The following RIMS1 variants were observed in gnomAD, a reference collection of about 807,000 sequenced individuals.
The protein encoded by RIMS1 is regulating synaptic membrane exocytosis protein 1.
In RIMS1, 83 loss-of-function variants were observed where a neutral mutation model predicts 214.1. That is an observed-to-expected ratio of 0.39 (90% CI 0.32 to 0.47). The LOEUF (loss-of-function observed/expected upper bound fraction) is 0.47, where lower values mean the gene tolerates loss of function less well. RIMS1 is among the 20% of genes least tolerant of loss of function. The pLI is 0.99. For missense variants in RIMS1, 2,050 were observed against 2,161.8 expected (o/e 0.95, Z 1.03); for synonymous variants, 793 against 786.8 (o/e 1.01, Z -0.13).
intron 1 of RIMS1, among the ~76,000 whole-genome samples, chr6:71,919,682 C>T (rs1273486924): frequency 6.6e-6 from 1 of 152,014 alleles, no homozygotes; most frequent in Non-Finnish European, 1.5e-5. Context: ...AGGAGAATGA[C>T]GTGGAGTAGC....
Position 71,986,845 on chromosome 6 carries a change from T to C in RIMS1, c.245+17782T>C, listed in dbSNP as rs570446677. Among the ~76,000 whole-genome samples, 4 of 152,372 alleles carry C rather than the reference T, an allele frequency of 2.6e-5. No homozygotes were observed. In the South Asian group the frequency reaches 8.3e-4, roughly 32 times the overall value. On this transcript the variant is annotated intron_variant, in intron 2 of 33. Transcript: ENST00000521978. ...CAAGGGTGCTGCTGTGTGAGAGTGC[T>C]TTTGACTCAGTAAAAATGTCCAATA...
intron 2 of RIMS1, among the ~76,000 whole-genome samples, chr6:71,989,009 T>G (rs1291625654): frequency 6.6e-6 from 1 of 152,178 alleles, no homozygotes; most frequent in Non-Finnish European, 1.5e-5. Context: ...TCTGAGCAGC[T>G]GGATTGCCAA....
At chr6:71,910,607 T>C (rs139232948) in intron 1 of RIMS1, among the ~76,000 whole-genome samples, 5 of 152,262 alleles carry the variant, frequency 3.3e-5, no homozygotes, top group African/African-American at 1.2e-4. Context: ...TTATCCAGGA[T>C]TGATTTTAGA....
chr6:72,291,926 G>A lies in RIMS1; in HGVS notation c.3738-8G>A, dbSNP rs986932771. The A allele has an allele frequency of 1.9e-6, 3 of 1,551,016 alleles. No individual in the cohort carries two copies. Among genetic ancestry groups the A allele is most frequent in the Admixed American group, 2.0e-5 (1 of 51,212 alleles). ...TTGTTTCATGCCCGCTTTGCTTTTT[G>A]CCTGCAGAATGCACCGACAGAGAAG... is the stretch of plus-strand genomic sequence containing the variant. On this transcript the variant is annotated splice_region_variant and splice_polypyrimidine_tract_variant and intron_variant, in intron 25 of 33. Coordinates refer to ENST00000521978, the MANE Select transcript of RIMS1 (RefSeq NM_014989.7).
Position 72,258,175 on chromosome 6 carries a change from C to T in RIMS1, c.2821C>T (p.Pro941Ser). 6.2e-7 allele frequency: 1 copy of T among 1,613,058 alleles called. No homozygotes were observed. The highest frequency in any genetic ancestry group is 8.5e-7 in the Non-Finnish European group (1 of 1,179,428). ...RESKSTTLTV[P>S]EQQRTTHHRS... The stretch of plus-strand genomic sequence containing the variant: ...AAGTAAATCTACAACATTAACTGTG[C>T]CAGAACAGCAAAGAACAACTCATCA... Residue 941 changes from proline (P) to serine (S), a missense_variant, in exon 17 of 34, where the codon CCA becomes TCA. Physicochemically the swap from Pro to Ser is moderately conservative, Grantham distance 74. Around this residue, in one of 6 missense-constraint regions of RIMS1, gnomAD observed 889 missense variants for 885.5 expected, o/e 1.00. Coordinates refer to ENST00000521978, the MANE Select transcript of RIMS1 (RefSeq NM_014989.7).
chr6:72,118,019 A>G (rs971583921), intron 4 of RIMS1, among the ~76,000 whole-genome samples: 10 of 151,894 alleles, frequency 6.6e-5, no homozygotes, highest in Non-Finnish European at 1.5e-4. Flanking sequence ...AAATCAATAG[A>G]CCATTGGTAA....
At chr6:71,990,559 G>T (rs1025314061) in intron 2 of RIMS1, among the ~76,000 whole-genome samples, 4 of 152,018 alleles carry the variant, frequency 2.6e-5, no homozygotes, top group Admixed American at 1.3e-4. Flanking sequence ...GTCTCTGTGT[G>T]CCCTGCATGA....
chr6:72,087,553 A>G (rs1422829238), intron 2 of RIMS1, among the ~76,000 whole-genome samples: 2 of 152,134 alleles, frequency 1.3e-5, no homozygotes, highest in Non-Finnish European at 2.9e-5. Flanking sequence ...TTATCAAAAC[A>G]CTCTCATAAT....
chr6:72,318,054 T>C (rs2095910322), intron 28 of RIMS1, among the ~76,000 whole-genome samples: 1 of 152,170 alleles, frequency 6.6e-6, no homozygotes, highest in South Asian at 2.1e-4. Context: ...TTTCAGTTAG[T>C]GTTCAATCTA....
intron 6 of RIMS1, chr6:72,212,827 C>G: frequency 9.4e-7 from 1 of 1,068,636 alleles, no homozygotes; most frequent in Non-Finnish European, 1.1e-6. Flanking sequence ...TGCTACCAGT[C>G]CCCACACCAC....
chr6:72,099,829 T>G, intron 3 of RIMS1, 146 bp from the exon 4 acceptor site: 1 of 653,406 alleles, frequency 1.5e-6, no homozygotes, highest in Non-Finnish European at 2.7e-6. Context: ...AAGTAAACAT[T>G]TACTTTTCAA....
At chr6:72,149,348 C>G (rs1328040045) in intron 4 of RIMS1, among the ~76,000 whole-genome samples, 1 of 152,190 alleles carries the variant, frequency 6.6e-6, no homozygotes. Context: ...GGCATCTTGG[C>G]TAACACCCTA....
chr6:72,002,518 G>A (rs1280113645), intron 2 of RIMS1, among the ~76,000 whole-genome samples: 5 of 152,172 alleles, frequency 3.3e-5, no homozygotes, highest in Non-Finnish European at 5.9e-5. Context: ...TGGGGTAGGA[G>A]TGTGCAGACG....
intron 2 of RIMS1, among the ~76,000 whole-genome samples, chr6:72,076,275 AT>A (rs1468898532): frequency 6.6e-6 from 1 of 152,228 alleles, no homozygotes; most frequent in Non-Finnish European, 1.5e-5. Flanking sequence ...TTAGGCTTCC[AT>A]TACAAAATAC....
rs2093253061 is a variant in RIMS1 at position 72,290,758 on chromosome 6, C to T, written c.3634C>T (p.Pro1212Ser). ...TDQPVIRGKH[P>S]ARSRSSEHSS... ...TCAGCCAGTCATTAGGGGAAAACAT[C>T]CTGCTCGCTCAAGGTCGAGTGAGCA... Residue 1212 changes from proline to serine, a missense_variant, in exon 25 of 34, where the codon CCT becomes TCT. Pro to Ser is a moderately conservative substitution (Grantham distance 74). This residue lies in a region of RIMS1 where 889 missense variants were observed against 885.5 expected (regional missense o/e 1.00). Coordinates refer to ENST00000521978, the MANE Select transcript of RIMS1 (RefSeq NM_014989.7). The T allele has an allele frequency of 6.2e-7, 1 of 1,613,682 alleles. No homozygotes were observed. Among genetic ancestry groups the T allele is most frequent in the African/African-American group, 1.3e-5 (1 of 74,890 alleles).
intron 29 of RIMS1, among the ~76,000 whole-genome samples, chr6:72,378,250 G>T (rs768176260): frequency 3.3e-5 from 5 of 152,126 alleles, no homozygotes; most frequent in Non-Finnish European, 7.4e-5. Flanking sequence ...TCTTTAAGTT[G>T]CCCTGCTGGG....
chr6:72,033,306 G>T (rs886276435), intron 2 of RIMS1, among the ~76,000 whole-genome samples: 2 of 152,196 alleles, frequency 1.3e-5, no homozygotes, highest in Admixed American at 6.5e-5. Flanking sequence ...GGGGTTATGC[G>T]TGGGCATCTT....
chr6:72,168,178 G>T (rs1398687679), intron 4 of RIMS1, among the ~76,000 whole-genome samples: 7 of 152,144 alleles, frequency 4.6e-5, no homozygotes, highest in Non-Finnish European at 7.4e-5. Flanking sequence ...AAAGATTGGG[G>T]AAAGGGTGTT....
chr6:72,056,015 A>G (rs969308068), intron 2 of RIMS1, among the ~76,000 whole-genome samples: 1 of 152,148 alleles, frequency 6.6e-6, no homozygotes, highest in Non-Finnish European at 1.5e-5. Context: ...ATAAACCTAA[A>G]TGCCCATCAA....
Sources: allele counts gnomAD v4.1 joint callset (sites outside exome capture counted in the v4.1 genomes callset), GRCh38; gene constraint gnomAD v4.1.1; regional missense constraint gnomAD v4.1.1; transcripts MANE v1.5; gene names NCBI Gene and HGNC (gene_info 2026-07-23, HGNC 2026-07-21).